The following IL1RAPL1 variants were observed in gnomAD, a reference collection of about 807,000 sequenced individuals.
The protein encoded by IL1RAPL1 is interleukin-1 receptor accessory protein-like 1.
A neutral mutation model predicts 48.4 loss-of-function variants in IL1RAPL1; 3 were observed. The observed-to-expected ratio is 0.06, with a 90% CI of 0.03 to 0.16. IL1RAPL1 has a LOEUF of 0.16. IL1RAPL1 is among the 10% of genes least tolerant of loss of function. IL1RAPL1 has a pLI of 1.00. For missense variants in IL1RAPL1, 349 were observed against 530.6 expected, an observed-to-expected ratio of 0.66 and a Z score of 3.36; for synonymous variants, 185 against 187.7, an observed-to-expected ratio of 0.99 and a Z score of 0.12.
At chrX:29,175,845 CAAAAAAAAA>C (rs58728418) in intron 2 of IL1RAPL1, among the ~76,000 whole-genome samples, 3 of 37,781 alleles carry the variant, frequency 7.9e-5, no homozygotes, top group African/African-American at 3.3e-4. Flanking sequence ...GACTCTGTCT[CAAAAAAAAA>C]AAAAAAAAAA....
intron 2 of IL1RAPL1, among the ~76,000 whole-genome samples, chrX:29,060,084 T>A (rs1263215186): frequency 8.9e-6 from 1 of 111,958 alleles, no homozygotes; most frequent in East Asian, 2.8e-4. Flanking sequence ...GTTGTTCAAA[T>A]GGAAAAATCG....
intron 1 of IL1RAPL1, among the ~76,000 whole-genome samples, chrX:28,705,239 C>T (rs138145725): frequency 0.013 from 1,429 of 111,023 alleles, 27 homozygotes; most frequent in African/African-American, 0.045. Flanking sequence ...AATAGAATTA[C>T]CCTAATTATA....
At chrX:29,620,535 T>C (rs1184444394) in intron 5 of IL1RAPL1, among the ~76,000 whole-genome samples, 2 of 112,178 alleles carry the variant, frequency 1.8e-5, no homozygotes, top group African/African-American at 6.5e-5. Flanking sequence ...TGACTAGCTA[T>C]TTCCTTTTTG....
At chrX:29,449,906 G>A (rs1934659392) in intron 5 of IL1RAPL1, among the ~76,000 whole-genome samples, 1 of 106,749 alleles carries the variant, frequency 9.4e-6, no homozygotes, top group African/African-American at 3.5e-5. Flanking sequence ...AAAAGAGGAA[G>A]GAAATAATTT....
intron 6 of IL1RAPL1, among the ~76,000 whole-genome samples, chrX:29,688,752 C>G (rs1926697731): frequency 9.2e-6 from 1 of 108,257 alleles, no homozygotes; most frequent in Non-Finnish European, 1.9e-5. Flanking sequence ...CTCTCTCTCT[C>G]TCTGTGTGTG....
At chrX:29,163,781 T>C (rs225457) in intron 2 of IL1RAPL1, among the ~76,000 whole-genome samples, 43,589 of 110,635 alleles carry the variant, frequency 0.39, 7,084 homozygotes, top group Non-Finnish European at 0.51. Flanking sequence ...ATTTGGAAAT[T>C]TGAATTTTCA....
chrX:29,321,370 A>G (rs1410491143), intron 3 of IL1RAPL1, among the ~76,000 whole-genome samples: 2 of 112,143 alleles, frequency 1.8e-5, no homozygotes, highest in Non-Finnish European at 3.8e-5. Flanking sequence ...GCTCATTTCT[A>G]GCTAAAGTGC....
intron 2 of IL1RAPL1, among the ~76,000 whole-genome samples, chrX:29,135,924 A>G (rs1929116049): frequency 9.1e-6 from 1 of 109,293 alleles, no homozygotes; most frequent in Admixed American, 9.8e-5. Context: ...TTTAGTAGAG[A>G]TGGGGTTTCG....
Position 29,917,494 on chromosome X carries a change from T to G in IL1RAPL1, c.809T>G (p.Phe270Cys). Reference protein sequence around the residue: ...GDSANLTCRAFFGYSGDVSPL... With the variant: ...GDSANLTCRACFGYSGDVSPL... ...TCTGCTAATCTAACCTGCAGAGCTT[T>G]CTTTGGGTACAGCGGAGATGTCAGT... is the stretch of plus-strand genomic sequence containing the variant. Residue 270 changes from phenylalanine to cysteine, a missense_variant, in exon 7 of 11, where the codon TTC (phenylalanine) becomes TGC (cysteine). By Grantham distance (205) the Phe-to-Cys change is radical. Coordinates refer to ENST00000378993, the MANE Select transcript of IL1RAPL1 (RefSeq NM_014271.4). The G allele has an allele frequency of 8.3e-7, 1 of 1,208,303 alleles. No homozygotes were observed. The highest frequency in any genetic ancestry group is 1.1e-6 in the Non-Finnish European group (1 of 892,301).
At chrX:29,300,201 A>G (rs1932511261) in intron 3 of IL1RAPL1, among the ~76,000 whole-genome samples, 1 of 111,698 alleles carries the variant, frequency 9.0e-6, no homozygotes, top group Non-Finnish European at 1.9e-5. Context: ...GACTAAGACA[A>G]TGATCCTTTT....
intron 2 of IL1RAPL1, among the ~76,000 whole-genome samples, chrX:29,029,884 A>G (rs892443461): frequency 9.2e-6 from 1 of 109,156 alleles, no homozygotes; most frequent in South Asian, 3.9e-4. Flanking sequence ...TTACATATCA[A>G]TCTATGACCC....
At chrX:29,642,415 C>T (rs1365335790) in intron 5 of IL1RAPL1, among the ~76,000 whole-genome samples, 2 of 112,448 alleles carry the variant, frequency 1.8e-5, no homozygotes, top group African/African-American at 6.5e-5. Flanking sequence ...TCATAATACT[C>T]AGCAAAAGCC....
At chrX:29,451,104 T>C (rs1934673259) in intron 5 of IL1RAPL1, among the ~76,000 whole-genome samples, 1 of 108,470 alleles carries the variant, frequency 9.2e-6, no homozygotes, top group Non-Finnish European at 1.9e-5. Flanking sequence ...TGACTCTCTC[T>C]ATACCTAATA....
At chrX:29,711,696 C>T (rs1219519071) in intron 6 of IL1RAPL1, among the ~76,000 whole-genome samples, 1 of 110,740 alleles carries the variant, frequency 9.0e-6, no homozygotes, top group East Asian at 2.8e-4. Flanking sequence ...TATTCTCTTT[C>T]CCCCCAGTGT....
At chrX:29,137,602 A>G (rs970057191) in intron 2 of IL1RAPL1, among the ~76,000 whole-genome samples, 2 of 112,223 alleles carry the variant, frequency 1.8e-5, no homozygotes, top group Admixed American at 9.5e-5. Flanking sequence ...GAATAGGTAG[A>G]CAGATACCTG....
intron 5 of IL1RAPL1, among the ~76,000 whole-genome samples, chrX:29,639,002 G>C (rs996554357): frequency 9.0e-6 from 1 of 110,815 alleles, no homozygotes; most frequent in Non-Finnish European, 1.9e-5. Context: ...CTGGCTAACA[G>C]GGTGAAACCC....
intron 5 of IL1RAPL1, among the ~76,000 whole-genome samples, chrX:29,667,015 C>A (rs1333795004): frequency 8.9e-6 from 1 of 111,768 alleles, no homozygotes; most frequent in Non-Finnish European, 1.9e-5. Context: ...CCATTAAGAT[C>A]ACTTTAGGCA....
intron 5 of IL1RAPL1, among the ~76,000 whole-genome samples, chrX:29,517,339 G>A (rs1035151365): frequency 2.8e-5 from 3 of 105,323 alleles, no homozygotes; most frequent in Admixed American, 1.0e-4. Flanking sequence ...CATACCAAAT[G>A]TATATATATA....
intron 2 of IL1RAPL1, among the ~76,000 whole-genome samples, chrX:28,999,577 G>A (rs1392894638): frequency 9.0e-6 from 1 of 111,611 alleles, no homozygotes; most frequent in Non-Finnish European, 1.9e-5. Context: ...TCCAAAGATT[G>A]TATATGCTCC....
Sources: gnomAD v4.1 joint callset for allele counts (sites outside exome capture counted in the v4.1 genomes callset) on GRCh38, gnomAD v4.1.1 for gene constraint, MANE v1.5 for transcripts, NCBI Gene and HGNC (gene_info 2026-07-23, HGNC 2026-07-21) for gene names.